Variants in CCDC88C observed in about 807,000 individuals in gnomAD.
CCDC88C encodes the protein protein Daple.
In CCDC88C, 131 loss-of-function variants were observed where a neutral mutation model predicts 198.8. The ratio of observed to expected loss-of-function variants is 0.66; its 90% confidence interval spans 0.57 to 0.76. The LOEUF is 0.76. CCDC88C is among the 30% of genes least tolerant of loss of function. The pLI, the probability that CCDC88C is intolerant of heterozygous loss-of-function variation, is 0.00. For synonymous variants in CCDC88C, 1,166 were observed against 1,114.7 expected (o/e 1.05, Z -0.92); for missense variants, 2,553 against 2,631.6 (o/e 0.97, Z 0.65).
intron 21 of CCDC88C, among the ~76,000 whole-genome samples, chr14:91,297,958 G>C (rs941921): frequency 0.82 from 124,992 of 152,264 alleles, 51,780 homozygotes; most frequent in African/African-American, 0.94. Flanking sequence ...ATTTCAGCTC[G>C]TGAGATAAAG....
intron 24 of CCDC88C, 43 bp downstream of exon 24, chr14:91,290,951 CT>C (rs1567053308): frequency 8.1e-7 from 1 of 1,235,796 alleles, no homozygotes; most frequent in Non-Finnish European, 1.2e-6. Flanking sequence ...GAAAAGGAAG[CT>C]TTTAAGTTCT....
intron 6 of CCDC88C, 177 bp downstream of exon 6, chr14:91,342,203 T>G (rs539314684): frequency 2.3e-6 from 1 of 432,856 alleles, no homozygotes; most frequent in African/African-American, 2.0e-5. Context: ...GCTGGCTGAT[T>G]GATGGCTATC....
At position 91,313,874 on chromosome 14, in the gene CCDC88C, C is replaced by T. The variant is rs372377026; in HGVS notation, c.1942G>A (p.Ala648Thr). The T allele has an allele frequency of 1.8e-5, 29 of 1,607,146 alleles. No individual in the cohort carries two copies. The highest frequency in any genetic ancestry group is 2.4e-5 in the Non-Finnish European group (28 of 1,177,680). ...QRLQEENGRLARKVTSLETAT... is the reference protein window; with the variant it reads ...QRLQEENGRLTRKVTSLETAT... ...GTCTCCAGGGAGGTCACCTTCCTGG[C>T]CAGCCTCCCGTTCTCCTCCTGGAGT... The change falls in exon 15 of 30, where the codon GCC becomes ACC. Residue 648 changes from alanine to threonine, a missense_variant. Ala to Thr is a moderately conservative substitution (Grantham distance 58, BLOSUM62 0). Transcript: ENST00000389857. This position sits in a 1 kb window ranked among gnomAD's most constrained non-coding sequence, Gnocchi z 5.2.
chr14:91,403,445 G>T (rs913275148), intron 3 of CCDC88C, among the ~76,000 whole-genome samples: 19 of 152,238 alleles, frequency 1.2e-4, no homozygotes, highest in African/African-American at 4.6e-4. Flanking sequence ...CCAGGGCAGG[G>T]AATGGGGATG....
rs746967498 is a variant in CCDC88C, at chr14:91,277,993, C to T, written c.4987G>A (p.Ala1663Thr). 6.4e-7 allele frequency: 1 copy of T among 1,569,138 alleles called. No individual in the cohort carries two copies. Among genetic ancestry groups the T allele is most frequent in the Admixed American group, 1.9e-5 (1 of 54,004 alleles). Residue 1663 changes from alanine (A) to threonine (T), a missense_variant, in exon 29 of 30, where the codon GCC (alanine) becomes ACC (threonine). Around this residue, in one of 2 missense-constraint regions of CCDC88C, gnomAD observed 1,293 missense variants for 1,219.6 expected, o/e 1.06. Coordinates refer to ENST00000389857, the MANE Select transcript of CCDC88C (RefSeq NM_001080414.4). ...GTGACCATCTCACTGCTGGGGGAGGCCGAGCAGGGCCGCACTCCGACGTAG... is the reference window on the plus strand; with the variant it reads ...GTGACCATCTCACTGCTGGGGGAGGTCGAGCAGGGCCGCACTCCGACGTAG... Reference protein sequence around the residue: ...PPYVGVRPCSASPSSEMVTLE... With the variant: ...PPYVGVRPCSTSPSSEMVTLE...
chr14:91,343,672 C>G lies in CCDC88C; in HGVS notation c.341-15G>C. On this transcript the variant is annotated splice_polypyrimidine_tract_variant and intron_variant, in intron 4 of 29. Transcript: ENST00000389857. ...CATGCTCTTCCCTAGATCAAGAGAGCAACACATTTAACTCAGCTCAACTGC... is the reference window on the plus strand; with the variant it reads ...CATGCTCTTCCCTAGATCAAGAGAGGAACACATTTAACTCAGCTCAACTGC... 1 of 1,613,186 alleles carries G rather than the reference C, an allele frequency of 6.2e-7. No individual in the cohort carries two copies. The highest frequency in any genetic ancestry group is 8.5e-7 in the Non-Finnish European group (1 of 1,179,792).
At position 91,352,963 on chromosome 14, in the gene CCDC88C, C is replaced by T. The variant is rs538479847; in HGVS notation, c.340+6679G>A. 2.4e-4 allele frequency among the ~76,000 whole-genome samples: 36 copies of T among 152,218 alleles called. No individual in the cohort carries two copies. The highest frequency in any genetic ancestry group is 4.4e-4 in the Non-Finnish European group (30 of 68,038). On this transcript the variant is annotated intron_variant, in intron 4 of 29. Coordinates refer to ENST00000389857, the MANE Select transcript of CCDC88C (RefSeq NM_001080414.4). The surrounding 1 kb of genome is among the most constrained non-coding windows in gnomAD (Gnocchi z 4.2). ...TCAGTAAGCCTGGGGCACACCCAGC[C>T]CTCACAAGTTCCCCGGGGCCCCCGA...
In CCDC88C at chr14:91,272,965, G is replaced by C; in HGVS notation, c.5747C>G (p.Ala1916Gly). 1 of 1,557,288 alleles carries C rather than the reference G, an allele frequency of 6.4e-7. No homozygotes were observed. Among genetic ancestry groups the C allele is most frequent in the Non-Finnish European group, 8.6e-7 (1 of 1,156,874 alleles). Residue 1916 changes from alanine (A) to glycine (G), a missense_variant, in exon 30 of 30, where the codon GCT (alanine) becomes GGT (glycine). Transcript: ENST00000389857. ...GGAGTTGCTGCCACTGCCAGCAGCAGCAGCACCAGCACCTGCAGTGGCAAT... is the reference window on the plus strand; with the variant it reads ...GGAGTTGCTGCCACTGCCAGCAGCACCAGCACCAGCACCTGCAGTGGCAAT... ...PAIATAGAGA[A>G]AAGSGSNSQL...
At chr14:91,316,432 T>C (rs1040140921) in intron 13 of CCDC88C, among the ~76,000 whole-genome samples, 3 of 152,080 alleles carry the variant, frequency 2.0e-5, no homozygotes, top group African/African-American at 7.3e-5. Context: ...CAACCTTTTT[T>C]TTTTTTTGAG....
At chr14:91,285,693 AAGAG>A (rs1391316504) in intron 25 of CCDC88C, 1 of 1,288,846 alleles carries the variant, frequency 7.8e-7, no homozygotes, top group Non-Finnish European at 1.0e-6. Flanking sequence ...ATGTCGGAGA[AAGAG>A]AGAGGCTCGT....
Position 91,313,336 on chromosome 14 carries a change from A to G in CCDC88C, c.2480T>C (p.Val827Ala), listed in dbSNP as rs746460030. 3.9e-5 allele frequency: 63 copies of G among 1,612,928 alleles called. No homozygotes were observed. The highest frequency in any genetic ancestry group is 5.3e-5 in the Non-Finnish European group (62 of 1,179,852). ...EKDRKALEQE[V>A]AQLEKDKKLL... ...CTTCTTATCCTTCTCGAGCTGGGCC[A>G]CCTCCTGCTCCAGGGCCTTCCTGTC... is the stretch of plus-strand genomic sequence containing the variant. Residue 827 changes from valine to alanine, a missense_variant, in exon 15 of 30, where the codon GTG (valine) becomes GCG (alanine). Physicochemically the swap from Val to Ala is moderately conservative, Grantham distance 64 (BLOSUM62 0). Coordinates refer to ENST00000389857, the MANE Select transcript of CCDC88C (RefSeq NM_001080414.4). This position sits in a 1 kb window ranked among gnomAD's most constrained non-coding sequence, Gnocchi z 5.2.
rs1890444607 is a variant in CCDC88C, at chr14:91,287,152, A to G, written c.4441+1953T>C. Reference sequence around the variant, plus strand: ...AAGAGTAATACAAGTTGAGATGACAAATGTCCAAAAATTAAACAGGAGCCA... The same window carrying G: ...AAGAGTAATACAAGTTGAGATGACAGATGTCCAAAAATTAAACAGGAGCCA... On this transcript the variant is annotated intron_variant, in intron 25 of 29. Transcript: ENST00000389857. 4.6e-5 allele frequency among the ~76,000 whole-genome samples: 7 copies of G among 152,310 alleles called. No homozygotes were observed. The South Asian group carries it at 1.5e-3, about 32-fold the overall frequency.
chr14:91,306,987 A>T (rs942755856), intron 18 of CCDC88C, 51 bp downstream of exon 18: 7 of 1,482,258 alleles, frequency 4.7e-6, no homozygotes, highest in Non-Finnish European at 5.5e-6. Flanking sequence ...CTGATAAGGC[A>T]GTCTCTCTCT....
intron 20 of CCDC88C, among the ~76,000 whole-genome samples, chr14:91,303,355 G>A (rs919655741): frequency 2.0e-5 from 3 of 147,510 alleles, no homozygotes; most frequent in Non-Finnish European, 4.5e-5. Flanking sequence ...CTTCTCACGA[G>A]GCCCCCGCCT....
rs757896710 is a variant in CCDC88C, at chr14:91,313,273, ACCTGCTGCC to A, written c.2534_2542del (p.Trp845_Val848delinsLeu). ...GTCCAAGACTGCATCCTTGAGCTCC[ACCTGCTGCC>A]ACAGCCGCTTGGCCTCCTTCTCCAG... is the stretch of plus-strand genomic sequence containing the variant. On this transcript the variant is annotated inframe_deletion, in exon 15 of 30. Transcript: ENST00000389857. This position sits in a 1 kb window ranked among gnomAD's most constrained non-coding sequence, Gnocchi z 5.2. The A allele has an allele frequency of 3.3e-5, 54 of 1,613,480 alleles. No homozygotes were observed. The highest frequency in any genetic ancestry group is 4.6e-5 in the Non-Finnish European group (54 of 1,179,852).
At chr14:91,297,070 C>T (rs543304350) in intron 22 of CCDC88C, among the ~76,000 whole-genome samples, 1 of 152,336 alleles carries the variant, frequency 6.6e-6, no homozygotes, top group African/African-American at 2.4e-5. Flanking sequence ...GTGCCTCTCC[C>T]GACCCTGCAA....
intron 10 of CCDC88C, among the ~76,000 whole-genome samples, chr14:91,334,400 G>A (rs1001390357): frequency 6.6e-6 from 1 of 152,102 alleles, no homozygotes; most frequent in Non-Finnish European, 1.5e-5. Context: ...CCTGCCACCA[G>A]AGCCGGCTAG....
intron 4 of CCDC88C, among the ~76,000 whole-genome samples, chr14:91,355,609 G>A (rs1031730312): frequency 5.9e-5 from 9 of 152,140 alleles, no homozygotes; most frequent in Non-Finnish European, 1.2e-4. Context: ...AGTTTGGGCC[G>A]GGACGGGCAG....
intron 4 of CCDC88C, among the ~76,000 whole-genome samples, chr14:91,350,277 C>T (rs1416004016): frequency 6.6e-6 from 1 of 152,006 alleles, no homozygotes; most frequent in Non-Finnish European, 1.5e-5. Flanking sequence ...TCTCCTGCCT[C>T]GGCCTCCCAA....
Sources: gnomAD v4.1 joint callset for allele counts (sites outside exome capture counted in the v4.1 genomes callset) on GRCh38, gnomAD v4.1.1 for gene constraint, gnomAD v4.1.1 regional missense constraint, Gnocchi (gnomAD v3.1) non-coding constraint, MANE v1.5 for transcripts, NCBI Gene and HGNC (gene_info 2026-07-23, HGNC 2026-07-21) for gene names.